Variants in ZNF710 observed in about 807,000 individuals in gnomAD.
ZNF710 encodes zinc finger protein 710.
In ZNF710, 13 loss-of-function variants were observed where a neutral mutation model predicts 50.6. The ratio of observed to expected loss-of-function variants is 0.26; its 90% CI spans 0.17 to 0.41. The LOEUF (loss-of-function observed/expected upper bound fraction) is 0.41, where lower values mean the gene tolerates loss of function less well. Among genes scored for constraint, ZNF710 ranks in the 10% least tolerant of loss-of-function variants. The pLI, the probability that ZNF710 is intolerant of heterozygous loss-of-function variation, is 1.00. For missense variants in ZNF710, 721 were observed against 936.6 expected (o/e 0.77, Z 3.01); for synonymous variants, 383 against 397.0 (o/e 0.96, Z 0.42).
intron 1 of ZNF710, among the ~76,000 whole-genome samples, chr15:90,018,915 A>G (rs1000268626): frequency 6.6e-6 from 1 of 151,958 alleles, no homozygotes; most frequent in Admixed American, 6.5e-5. Context: ...TTTTTAATCC[A>G]TCTTAGATTT....
intron 1 of ZNF710, among the ~76,000 whole-genome samples, chr15:90,056,607 A>G (rs1411870778): frequency 6.6e-6 from 1 of 152,198 alleles, no homozygotes; most frequent in Non-Finnish European, 1.5e-5. Context: ...CCATCCTGCC[A>G]TGGGAGAGCC....
intron 1 of ZNF710, among the ~76,000 whole-genome samples, chr15:90,019,568 T>C (rs1392439075): frequency 6.6e-6 from 1 of 152,210 alleles, no homozygotes; most frequent in East Asian, 1.9e-4. Context: ...TTAAACATGG[T>C]TGTGAGTCTT....
At chr15:90,071,163 A>C (rs1436955816) in intron 2 of ZNF710, among the ~76,000 whole-genome samples, 1 of 151,984 alleles carries the variant, frequency 6.6e-6, no homozygotes. Flanking sequence ...CGGGAGGCTG[A>C]GGCAGGAGAA....
At chr15:89,999,297 A>G (rs1897967069), upstream of ZNF710, among the ~76,000 whole-genome samples, 1 of 152,250 alleles carries the variant, frequency 6.6e-6, no homozygotes, top group South Asian at 2.1e-4. Flanking sequence ...GCCAAAGGCC[A>G]AAGCAAGGAC....
intron 4 of ZNF710, among the ~76,000 whole-genome samples, chr15:90,077,239 CTTTTTT>C (rs34572330): frequency 2.5e-5 from 2 of 79,060 alleles, no homozygotes; most frequent in African/African-American, 5.7e-5. Context: ...TCTCAAGGTG[CTTTTTT>C]TTTTTTTTTT....
At chr15:90,042,359 C>T (rs144906225) in intron 1 of ZNF710, among the ~76,000 whole-genome samples, 2 of 152,114 alleles carry the variant, frequency 1.3e-5, no homozygotes, top group East Asian at 1.9e-4. Context: ...CCCCCCACCC[C>T]CTCCAGGCAG....
chr15:90,004,915 G>C (rs540625894), intron 1 of ZNF710, among the ~76,000 whole-genome samples: 49 of 152,362 alleles, frequency 3.2e-4, no homozygotes, highest in Non-Finnish European at 6.2e-4. Flanking sequence ...GGTGATTCAG[G>C]CTGTTTCAAC....
At chr15:90,033,488 G>T (rs906152177) in intron 1 of ZNF710, among the ~76,000 whole-genome samples, 7 of 152,180 alleles carry the variant, frequency 4.6e-5, no homozygotes, top group Admixed American at 1.3e-4. Flanking sequence ...GCAGAAAGGG[G>T]TTGGCTCCTA....
In ZNF710 at chr15:90,007,830, G is replaced by A. The variant is rs894118861; in HGVS notation, c.-29+6216G>A. The stretch of plus-strand genomic sequence containing the variant: ...ACCCCCACCCCCACTTTACAAGTAA[G>A]CATCTCCCCAGTTGTTCATGTAAAA... On this transcript the variant is annotated intron_variant, in intron 1 of 4. Transcript: ENST00000268154. 4.0e-5 allele frequency among the ~76,000 whole-genome samples: 6 copies of A among 151,680 alleles called. No individual in the cohort carries two copies. In the Admixed American group the frequency reaches 4.0e-4, roughly 10 times the overall value.
chr15:90,071,963 C>T (rs575884622), intron 2 of ZNF710, among the ~76,000 whole-genome samples: 1 of 152,158 alleles, frequency 6.6e-6, no homozygotes, highest in South Asian at 2.1e-4. Flanking sequence ...CATGAGCCAC[C>T]GTGCCCGGCC....
At chr15:90,054,482 G>T (rs1899747759) in intron 1 of ZNF710, among the ~76,000 whole-genome samples, 1 of 152,182 alleles carries the variant, frequency 6.6e-6, no homozygotes, top group African/African-American at 2.4e-5. Flanking sequence ...GAGAGGGCTG[G>T]GTCTCGGCCC....
chr15:90,015,974 A>G (rs1304468348), intron 1 of ZNF710, among the ~76,000 whole-genome samples: 1 of 152,156 alleles, frequency 6.6e-6, no homozygotes, highest in African/African-American at 2.4e-5. Context: ...AATGTACACT[A>G]TGTACCAACT....
At chr15:90,002,361 C>T (rs1421840292) in intron 1 of ZNF710, 1 of 123,378 alleles carries the variant, frequency 8.1e-6, no homozygotes, top group African/African-American at 3.0e-5. Context: ...GACCCAGGAC[C>T]GGCGCTCGCT....
At position 90,062,220 on chromosome 15, in the gene ZNF710, T is replaced by TC. The variant is rs1900032038; in HGVS notation, c.-28-4890_-28-4889insC. Among the ~76,000 whole-genome samples, 1 of 144,556 alleles carries TC rather than the reference T, an allele frequency of 6.9e-6. No homozygotes were observed. The highest frequency in any genetic ancestry group is 2.5e-5 in the African/African-American group (1 of 39,336). 94.8% of individuals were successfully genotyped at this position (144,556 alleles called of 152,430 possible). A position where few individuals can be genotyped will look rare whatever the true frequency, so the allele number is the denominator to read the frequency against. ...CTTCATTTCTTCTCTCCCTCTCCCT[T>TC]TCTCTCTCTCTCTCTCTGATATGTC... On this transcript the variant is annotated intron_variant, in intron 1 of 4. Transcript: ENST00000268154. The surrounding 1 kb of genome is among the most constrained non-coding windows in gnomAD (Gnocchi z 5.6).
At chr15:90,055,596 TTGAC>T (rs995831393) in intron 1 of ZNF710, among the ~76,000 whole-genome samples, 5 of 152,258 alleles carry the variant, frequency 3.3e-5, no homozygotes, top group African/African-American at 1.2e-4. Context: ...CTTCTCTCTT[TTGAC>T]TGACTATTAG....
At chr15:90,079,616 C>T in intron 4 of ZNF710, 44 bp from the exon 5 acceptor site, 2 of 1,598,072 alleles carry the variant, frequency 1.3e-6, no homozygotes, top group Non-Finnish European at 1.7e-6. Context: ...ACTGGCTCCT[C>T]CCGAGAGATG....
intron 1 of ZNF710, among the ~76,000 whole-genome samples, chr15:90,010,416 G>A (rs1250007258): frequency 6.6e-6 from 1 of 152,042 alleles, no homozygotes; most frequent in African/African-American, 2.4e-5. Context: ...CGCCTCCCAA[G>A]TAGCTGGGAC....
rs200786938 is a variant in ZNF710, at chr15:90,068,090, A to G, written c.953A>G (p.Asn318Ser). 5.0e-6 allele frequency: 8 copies of G among 1,614,122 alleles called. No homozygotes were observed. In the East Asian group the frequency reaches 1.8e-4, roughly 36 times the overall value. The change falls in exon 2 of 5, where the codon AAC becomes AGC. Residue 318 changes from asparagine to serine, a missense_variant. Coordinates refer to ENST00000268154, the MANE Select transcript of ZNF710 (RefSeq NM_198526.4). This position sits in a 1 kb window ranked among gnomAD's most constrained non-coding sequence, Gnocchi z 5.0. ...CTGGTGACGCACATCCTGGGCCACAACGGCATCAAGCCACACTCGTGCCCA... is the reference window on the plus strand; with the variant it reads ...CTGGTGACGCACATCCTGGGCCACAGCGGCATCAAGCCACACTCGTGCCCA... ...YNLVTHILGH[N>S]GIKPHSCPHC...
At chr15:90,009,572 A>G (rs977892068) in intron 1 of ZNF710, among the ~76,000 whole-genome samples, 1 of 151,372 alleles carries the variant, frequency 6.6e-6, no homozygotes, top group African/African-American at 2.4e-5. Context: ...TCCATTCCCC[A>G]TGTGCCCACC....
Sources: allele counts gnomAD v4.1 joint callset (sites outside exome capture counted in the v4.1 genomes callset), GRCh38; gene constraint gnomAD v4.1.1; non-coding constraint Gnocchi (gnomAD v3.1); transcripts MANE v1.5; gene names NCBI Gene and HGNC (gene_info 2026-07-23, HGNC 2026-07-21).